The following MTMR9 variants were observed in gnomAD, a reference collection of about 807,000 sequenced individuals.
MTMR9 encodes the protein myotubularin related protein 9, also known as myotubularin-related protein 9.
A neutral mutation model predicts 69.5 loss-of-function variants in MTMR9; 39 were observed. The ratio of observed to expected loss-of-function variants is 0.56; its 90% confidence interval spans 0.43 to 0.73. MTMR9 has a LOEUF of 0.73. Ranked by LOEUF, MTMR9 falls within the 30% of genes least tolerant of loss-of-function variation. The pLI, the probability that MTMR9 is intolerant of heterozygous loss-of-function variation, is 0.00. For missense variants in MTMR9, 900 were observed against 671.2 expected (o/e 1.34, Z -3.77); for synonymous variants, 354 against 240.8 (o/e 1.47, Z -4.35).
At chr8:11,313,457 TTAAC>T (rs1272186165) in intron 6 of MTMR9, among the ~76,000 whole-genome samples, 1 of 152,244 alleles carries the variant, frequency 6.6e-6, no homozygotes, top group Non-Finnish European at 1.5e-5. Flanking sequence ...CACAACTTGA[TTAAC>T]TAGTGCAGGA....
intron 3 of MTMR9, among the ~76,000 whole-genome samples, chr8:11,301,948 T>G (rs1799760774): frequency 6.6e-6 from 1 of 151,920 alleles, no homozygotes; most frequent in South Asian, 2.1e-4. Flanking sequence ...ATTTATTACA[T>G]GGGAGTTTAG....
intron 3 of MTMR9, among the ~76,000 whole-genome samples, chr8:11,304,220 G>A (rs1161729807): frequency 6.6e-6 from 1 of 151,896 alleles, no homozygotes; most frequent in Non-Finnish European, 1.5e-5. Context: ...GTATTGAGTT[G>A]GTACTGTTTT....
chr8:11,313,346 C>G (rs775405648), intron 6 of MTMR9, among the ~76,000 whole-genome samples: 1 of 152,146 alleles, frequency 6.6e-6, no homozygotes, highest in Non-Finnish European at 1.5e-5. Context: ...CCAGACCACT[C>G]GAACTTTGTC....
At chr8:11,303,834 T>G (rs1157602075) in intron 3 of MTMR9, among the ~76,000 whole-genome samples, 1 of 151,682 alleles carries the variant, frequency 6.6e-6, no homozygotes, top group Non-Finnish European at 1.5e-5. Flanking sequence ...GTGCCCAGCC[T>G]AGAAACTATG....
chr8:11,317,934 A>AT (rs961091340), intron 8 of MTMR9: 5 of 152,152 alleles, frequency 3.3e-5, no homozygotes, highest in African/African-American at 1.2e-4. Flanking sequence ...GGCAATTTCT[A>AT]TAGCCAAGGA....
intron 2 of MTMR9, chr8:11,298,718 G>GCGCC: frequency 2.5e-6 from 2 of 798,990 alleles, no homozygotes; most frequent in Non-Finnish European, 2.9e-6. Context: ...TTTCCCCGCT[G>GCGCC]CACCCCCCCC....
chr8:11,336,064 G>T, the MTMR9 span, among the ~76,000 whole-genome samples: 6 of 152,146 alleles, frequency 3.9e-5, no homozygotes, highest in Non-Finnish European at 8.8e-5. Context: ...ATACATTTTG[G>T]TGAGGACAAA....
At chr8:11,288,045 A>ATC (rs1799242940) in intron 1 of MTMR9, among the ~76,000 whole-genome samples, 1 of 125,714 alleles carries the variant, frequency 8.0e-6, no homozygotes, top group East Asian at 2.2e-4. Context: ...TATATTATAT[A>ATC]ATACGTATTA....
At position 11,326,411 on chromosome 8, in the gene MTMR9, G is replaced by A. The variant is rs780735884; in HGVS notation, c.*3623G>A. The A allele has an allele frequency of 2.0e-5, 3 of 152,194 alleles. No homozygotes were observed. Among genetic ancestry groups the A allele is most frequent in the Non-Finnish European group, 4.4e-5 (3 of 68,038 alleles). The allele number at this position is 152,194 out of a possible 1,614,324, so 9.4% of individuals were successfully genotyped here. A position where few individuals can be genotyped will look rare whatever the true frequency, so the allele number is the denominator to read the frequency against. ...CAATAGTTACAATAGTTGATCCTCT[G>A]TTCTGGAAGCTTTGAAATTTATCAG... On this transcript the variant is annotated 3_prime_UTR_variant, in exon 10 of 10. Coordinates refer to ENST00000221086, the MANE Select transcript of MTMR9 (RefSeq NM_015458.4).
intron 1 of MTMR9, among the ~76,000 whole-genome samples, chr8:11,289,894 C>T (rs192553909): frequency 1.3e-5 from 2 of 152,196 alleles, no homozygotes; most frequent in Non-Finnish European, 2.9e-5. Context: ...TAGGTAACTT[C>T]CAACTCCCTG....
intron 7 of MTMR9, 22 bp downstream of exon 7, chr8:11,315,086 A>C (rs1370551981): frequency 6.2e-7 from 1 of 1,606,474 alleles, no homozygotes; most frequent in Admixed American, 1.7e-5. Flanking sequence ...TGTTTGATTC[A>C]CAGAGGAACT....
At chr8:11,310,872 G>C (rs1800170317) in intron 6 of MTMR9, among the ~76,000 whole-genome samples, 1 of 152,134 alleles carries the variant, frequency 6.6e-6, no homozygotes, top group African/African-American at 2.4e-5. Flanking sequence ...CCTCAGTGCA[G>C]AATGCAGAAC....
At chr8:11,306,165 A>G (rs373609682) in intron 4 of MTMR9, 25 bp from the exon 5 acceptor site, 4 of 1,605,422 alleles carry the variant, frequency 2.5e-6, no homozygotes, top group Non-Finnish European at 3.4e-6. Context: ...CTGCTGTTGA[A>G]TTTTCAGCTT....
At chr8:11,315,410 C>A (rs551152549) in intron 7 of MTMR9, among the ~76,000 whole-genome samples, 1 of 152,098 alleles carries the variant, frequency 6.6e-6, no homozygotes, top group African/African-American at 2.4e-5. Context: ...CCTGTAGTTG[C>A]AAGGAAAGCG....
chr8:11,309,641 CAA>C lies in MTMR9; in HGVS notation c.926_927del (p.Lys309ArgfsTer29). The C allele has an allele frequency of 6.2e-7, 1 of 1,613,980 alleles. No individual in the cohort carries two copies. The highest frequency in any genetic ancestry group is 1.7e-5 in the Admixed American group (1 of 59,990). ...AGGCCTCTAACTGGCTGACTCACAT[CAA>C]AGAGATTCTGACAACTGCCTGCCTA... The part of the protein sequence containing the change: ...LEASNWLTHI[K>X]EILTTACLAA... On this transcript the variant is annotated frameshift_variant, in exon 6 of 10. Transcript: ENST00000221086. LOFTEE classifies it high-confidence loss of function.
At chr8:11,331,284 A>G (rs1274723950), downstream of MTMR9, 5 of 1,613,758 alleles carry the variant, frequency 3.1e-6, no homozygotes, top group Admixed American at 3.3e-5. Flanking sequence ...CCTTTCTCGT[A>G]TGGCTTACCA....
chr8:11,311,448 C>G (rs975547629), intron 6 of MTMR9, among the ~76,000 whole-genome samples: 1 of 152,118 alleles, frequency 6.6e-6, no homozygotes, highest in Non-Finnish European at 1.5e-5. Flanking sequence ...GCAAGTCATG[C>G]AATAAAGTGA....
intron 1 of MTMR9, among the ~76,000 whole-genome samples, chr8:11,292,381 G>T (rs1223085606): frequency 1.3e-5 from 2 of 152,278 alleles, no homozygotes; most frequent in East Asian, 3.9e-4. Context: ...TCAGATGTAG[G>T]TATGTGTTTT....
intron 5 of MTMR9, among the ~76,000 whole-genome samples, chr8:11,307,475 C>G (rs1585122980): frequency 2.0e-5 from 3 of 152,320 alleles, no homozygotes; most frequent in Admixed American, 6.5e-5. Flanking sequence ...CATATCTTGA[C>G]TATTGTGAAT....
Sources: allele counts gnomAD v4.1 joint callset (sites outside exome capture counted in the v4.1 genomes callset), GRCh38; gene constraint gnomAD v4.1.1; transcripts MANE v1.5; gene names NCBI Gene and HGNC (gene_info 2026-07-23, HGNC 2026-07-21).